Variants in IL1RAPL2 observed in about 807,000 individuals in gnomAD.
The protein encoded by IL1RAPL2 is interleukin 1 receptor accessory protein like 2.
IL1RAPL2 carries 3 observed loss-of-function variants against 44.1 expected under a neutral mutation model. The ratio of observed to expected loss-of-function variants is 0.07; its 90% CI spans 0.03 to 0.18. IL1RAPL2 has a LOEUF of 0.18. IL1RAPL2 is among the 10% of genes least tolerant of loss of function. The probability of loss-of-function intolerance (pLI) is 1.00; values close to 1 mark genes in which losing one functional copy is unlikely to be tolerated. For missense variants in IL1RAPL2, 391 were observed against 496.4 expected (o/e 0.79, Z 2.02); for synonymous variants, 181 against 178.8 (o/e 1.01, Z -0.10).
At chrX:105,224,374 G>A (rs1272089400) in intron 3 of IL1RAPL2, among the ~76,000 whole-genome samples, 1 of 111,675 alleles carries the variant, frequency 9.0e-6, no homozygotes, top group Non-Finnish European at 1.9e-5. Context: ...TTCAAGTGAC[G>A]AGAATCAATA....
At position 105,670,874 on chromosome X, in the gene IL1RAPL2, G is replaced by GGT. The variant is rs768443972; in HGVS notation, c.773-46481_773-46480dup. On this transcript the variant is annotated intron_variant, in intron 6 of 10. Transcript: ENST00000372582. ...TGACACTATATTTAAAATATTTTTT[G>GGT]GTGTGTGTGTGTGCGTGTATATATA... Among the ~76,000 whole-genome samples, 3 of 105,619 alleles carry GGT rather than the reference G, an allele frequency of 2.8e-5. No homozygotes were observed. The Admixed American group carries it at 3.1e-4, about 11-fold the overall frequency. 91.7% of individuals were successfully genotyped at this position (105,619 alleles called of 115,157 possible).
chrX:104,604,983 A>C (rs1928975706), intron 1 of IL1RAPL2, among the ~76,000 whole-genome samples: 1 of 111,414 alleles, frequency 9.0e-6, no homozygotes, highest in African/African-American at 3.3e-5. Flanking sequence ...AGACATCTAC[A>C]GAACTCTCCA....
intron 1 of IL1RAPL2, among the ~76,000 whole-genome samples, chrX:104,634,764 A>G (rs1384272255): frequency 9.0e-6 from 1 of 111,683 alleles, no homozygotes; most frequent in Non-Finnish European, 1.9e-5. Context: ...GATTTCCTAA[A>G]TACAGCCCAC....
intron 2 of IL1RAPL2, among the ~76,000 whole-genome samples, chrX:105,040,243 G>C (rs761430712): frequency 3.9e-4 from 43 of 111,485 alleles, no homozygotes; most frequent in African/African-American, 1.4e-3. Context: ...ACTTGATCAT[G>C]GTGGATAAGC....
At chrX:104,846,039 T>C (rs902693150) in intron 2 of IL1RAPL2, among the ~76,000 whole-genome samples, 6 of 111,926 alleles carry the variant, frequency 5.4e-5, no homozygotes, top group African/African-American at 1.9e-4. Context: ...TTTGTCTGTT[T>C]AGTAGATATT....
chrX:105,450,610 G>T (rs2036012553), intron 5 of IL1RAPL2, among the ~76,000 whole-genome samples: 1 of 111,735 alleles, frequency 8.9e-6, no homozygotes, highest in Admixed American at 9.5e-5. Flanking sequence ...TTCCAGTGAA[G>T]AACTCTGGGA....
intron 2 of IL1RAPL2, among the ~76,000 whole-genome samples, chrX:104,751,195 T>C (rs1285970301): frequency 9.0e-6 from 1 of 111,173 alleles, no homozygotes; most frequent in Non-Finnish European, 1.9e-5. Context: ...GAGGGTGAAA[T>C]TTGCATGTAT....
At chrX:105,372,569 T>A (rs2035350777) in intron 5 of IL1RAPL2, among the ~76,000 whole-genome samples, 3 of 111,452 alleles carry the variant, frequency 2.7e-5, no homozygotes, top group Admixed American at 9.5e-5. Flanking sequence ...ACGGATTATT[T>A]CTTCACCCAG....
At chrX:104,705,378 C>T (rs1383363742) in intron 2 of IL1RAPL2, among the ~76,000 whole-genome samples, 1 of 111,388 alleles carries the variant, frequency 9.0e-6, no homozygotes, top group African/African-American at 3.3e-5. Flanking sequence ...ATTCTCCTTG[C>T]CTCTCAGATT....
At chrX:104,693,293 C>T (rs1465811090) in intron 2 of IL1RAPL2, among the ~76,000 whole-genome samples, 1 of 111,512 alleles carries the variant, frequency 9.0e-6, no homozygotes, top group Non-Finnish European at 1.9e-5. Flanking sequence ...GACCCTTCAT[C>T]CCATTCTTCT....
chrX:104,808,698 G>A (rs1343414), intron 2 of IL1RAPL2, among the ~76,000 whole-genome samples: 1 of 111,895 alleles, frequency 8.9e-6, no homozygotes, highest in Non-Finnish European at 1.9e-5. Context: ...ACAATCTTGC[G>A]GGAGATGGGG....
chrX:105,009,528 T>C (rs1281372649), intron 2 of IL1RAPL2, among the ~76,000 whole-genome samples: 2 of 96,395 alleles, frequency 2.1e-5, no homozygotes, highest in African/African-American at 8.0e-5. Flanking sequence ...ATGTTGTCAC[T>C]CATAGGTGGG....
rs1031333834 is a variant in IL1RAPL2, at chrX:104,940,046, T to C, written c.83-255429T>C. 6.3e-5 allele frequency among the ~76,000 whole-genome samples: 7 copies of C among 111,763 alleles called. No individual in the cohort carries two copies. The Admixed American group carries it at 6.7e-4, about 11-fold the overall frequency. The stretch of plus-strand genomic sequence containing the variant: ...TGATAGTTGCATGTATCTGTGAATA[T>C]ACTAAAAACATTGAATTGCATGTTT... On this transcript the variant is annotated intron_variant, in intron 2 of 10. Coordinates refer to ENST00000372582, the MANE Select transcript of IL1RAPL2 (RefSeq NM_017416.2).
chrX:105,550,198 C>G (rs1359670701), intron 6 of IL1RAPL2, among the ~76,000 whole-genome samples: 1 of 111,668 alleles, frequency 9.0e-6, no homozygotes, highest in African/African-American at 3.3e-5. Context: ...GCAGATAATT[C>G]CCTGGGGTCT....
intron 2 of IL1RAPL2, among the ~76,000 whole-genome samples, chrX:104,820,382 T>G (rs1468123082): frequency 8.9e-6 from 1 of 111,846 alleles, no homozygotes; most frequent in Non-Finnish European, 1.9e-5. Flanking sequence ...ATATTTTGCT[T>G]GGTCTAGCCT....
Position 105,540,274 on chromosome X carries a change from A to G in IL1RAPL2, c.772+55887A>G, listed in dbSNP as rs778055181. Among the ~76,000 whole-genome samples, 3 of 112,171 alleles carry G rather than the reference A, an allele frequency of 2.7e-5. No homozygotes were observed. The East Asian group carries it at 8.4e-4, about 32-fold the overall frequency. On this transcript the variant is annotated intron_variant, in intron 6 of 10. Coordinates refer to ENST00000372582, the MANE Select transcript of IL1RAPL2 (RefSeq NM_017416.2). ...CAGCATTATTTACAATAGCAATGAC[A>G]TGGAATCCACCTAGGTGCCTATCAA...
At chrX:105,478,387 G>T (rs928472086) in intron 5 of IL1RAPL2, among the ~76,000 whole-genome samples, 1 of 110,742 alleles carries the variant, frequency 9.0e-6, no homozygotes, top group Non-Finnish European at 1.9e-5. Context: ...GAAAAAAACT[G>T]CTTTTAGGAG....
intron 2 of IL1RAPL2, among the ~76,000 whole-genome samples, chrX:104,850,668 T>A (rs762335596): frequency 8.9e-6 from 1 of 111,880 alleles, no homozygotes; most frequent in Admixed American, 9.6e-5. Flanking sequence ...TGTTGTAATT[T>A]GTAGTATCAT....
In IL1RAPL2 at chrX:104,786,321, C is replaced by T. The variant is rs183192934; in HGVS notation, c.82+127326C>T. 1.4e-4 allele frequency among the ~76,000 whole-genome samples: 16 copies of T among 111,926 alleles called. No homozygotes were observed. In the South Asian group the frequency reaches 5.3e-3, roughly 37 times the overall value. ...GTGATCTCATATCCTCTCTTCCTTC[C>T]TCAATCTGTATCTGTTCCAAACTGC... is the stretch of plus-strand genomic sequence containing the variant. On this transcript the variant is annotated intron_variant, in intron 2 of 10. Transcript: ENST00000372582.
Sources: allele counts gnomAD v4.1 joint callset (sites outside exome capture counted in the v4.1 genomes callset), GRCh38; gene constraint gnomAD v4.1.1; transcripts MANE v1.5; gene names NCBI Gene and HGNC (gene_info 2026-07-23, HGNC 2026-07-21).